CDKL2: variants seen among roughly 807,000 people sequenced by gnomAD.
CDKL2 encodes cyclin dependent kinase like 2.
In CDKL2, 64 loss-of-function variants were observed where a neutral mutation model predicts 63.9. The ratio of observed to expected loss-of-function variants is 1.00; its 90% CI spans 0.82 to 1.23. CDKL2 has a LOEUF of 1.23. CDKL2 is among the 50% of genes most tolerant of loss of function. CDKL2 has a pLI of 0.00. For synonymous variants in CDKL2, 211 were observed against 229.2 expected (o/e 0.92, Z 0.72); for missense variants, 656 against 668.0 (o/e 0.98, Z 0.20).
intron 6 of CDKL2, among the ~76,000 whole-genome samples, chr4:75,603,123 C>T (rs1344594288): frequency 6.7e-6 from 1 of 150,144 alleles, no homozygotes; most frequent in Non-Finnish European, 1.5e-5. Context: ...CCTCAGCCTC[C>T]CCAGTAGCTG....
At chr4:75,607,089 G>A in intron 4 of CDKL2, 94 bp downstream of exon 4, 2 of 1,032,224 alleles carry the variant, frequency 1.9e-6, no homozygotes, top group Non-Finnish European at 2.9e-6. Flanking sequence ...CTTCCTTTCA[G>A]TATTAGAGGG....
At chr4:75,603,047 C>T (rs1439500957) in intron 6 of CDKL2, among the ~76,000 whole-genome samples, 4 of 131,876 alleles carry the variant, frequency 3.0e-5, no homozygotes, top group Non-Finnish European at 4.6e-5. Flanking sequence ...GGCCGGACTG[C>T]GGACTGCAGT....
At chr4:75,610,314 T>C (rs891713451) in intron 3 of CDKL2, among the ~76,000 whole-genome samples, 3 of 152,138 alleles carry the variant, frequency 2.0e-5, no homozygotes, top group African/African-American at 7.2e-5. Flanking sequence ...TCTAAGTCTA[T>C]CCTCTCGGCC....
At chr4:75,595,976 AGAAGGAAGGAAGGAAGGAAGGAAGGAAG>A (rs554405215) in intron 10 of CDKL2, 4 of 155,820 alleles carry the variant, frequency 2.6e-5, no homozygotes, top group African/African-American at 3.4e-5. Context: ...AAGGAAGGAA[AGAAGGAAGGAAGGAAGGAAGGAAGGAAG>A]GAAGGAAGGA....
chr4:75,586,915 T>C (rs1409528258), intron 12 of CDKL2, among the ~76,000 whole-genome samples: 2 of 152,034 alleles, frequency 1.3e-5, no homozygotes, highest in Non-Finnish European at 2.9e-5. Flanking sequence ...TGGGTTTCCT[T>C]AAGAACCTAG....
rs750637035 is a variant in CDKL2 at position 75,596,944 on chromosome 4, T to C, written c.1313A>G (p.Gln438Arg). ...SGMGTETIPI[Q>R]GYRVDEKTKK... ...TTTTACTAATTCATACCTGTAACCC[T>C]GAATTGGTATAGTCTCAGTCCCCAT... Residue 438 changes from glutamine (Q) to arginine (R), a missense_variant, in exon 9 of 14, where the codon CAG (glutamine) becomes CGG (arginine). Coordinates refer to ENST00000307465, the MANE Select transcript of CDKL2 (RefSeq NM_001330724.2). 2 of 1,609,614 alleles carry C rather than the reference T, an allele frequency of 1.2e-6. No homozygotes were observed. The highest frequency in any genetic ancestry group is 1.7e-4 in the Middle Eastern group (1 of 6,044).
Position 75,581,915 on chromosome 4 carries a change from G to C in CDKL2, c.1648-17C>G. The C allele has an allele frequency of 6.4e-7, 1 of 1,564,290 alleles. No individual in the cohort carries two copies. The highest frequency in any genetic ancestry group is 1.1e-5 in the South Asian group (1 of 89,516). On this transcript the variant is annotated splice_polypyrimidine_tract_variant and intron_variant, in intron 12 of 13. Transcript: ENST00000307465. The stretch of plus-strand genomic sequence containing the variant: ...TCCTGATACCTATAAATTAATAATA[G>C]AGCATCATAGGTTCTCAGTAATTGC...
At chr4:75,626,177 A>G (rs1302358977) in intron 1 of CDKL2, among the ~76,000 whole-genome samples, 160 bp from the exon 2 acceptor site, 2 of 152,202 alleles carry the variant, frequency 1.3e-5, no homozygotes, top group African/African-American at 4.8e-5. Flanking sequence ...CATGTAAGCT[A>G]TGTTTCAAAA....
chr4:75,580,642 G>A (rs1161612763), intron 13 of CDKL2, among the ~76,000 whole-genome samples: 13 of 150,062 alleles, frequency 8.7e-5, no homozygotes, highest in Admixed American at 8.0e-4. Flanking sequence ...ACTCCAGCCT[G>A]GACAATACAG....
rs1158414225 is a variant in CDKL2 at position 75,576,553 on chromosome 4, G to A, written c.*2649C>T. 6.6e-6 allele frequency among the ~76,000 whole-genome samples: 1 copy of A among 152,144 alleles called. No homozygotes were observed. Among genetic ancestry groups the A allele is most frequent in the African/African-American group, 2.4e-5 (1 of 41,444 alleles). On this transcript the variant is annotated 3_prime_UTR_variant, in exon 14 of 14. Coordinates refer to ENST00000307465, the MANE Select transcript of CDKL2 (RefSeq NM_001330724.2). Reference sequence around the variant, plus strand: ...GGAGTGTTAAGCACCCTCTTCTAGTGCAAAAACACTTAATGCAAAAAACAA... The same window carrying A: ...GGAGTGTTAAGCACCCTCTTCTAGTACAAAAACACTTAATGCAAAAAACAA...
rs778530783 is a variant in CDKL2 at position 75,598,111 on chromosome 4, G to T, written c.986C>A (p.Ser329Tyr). ...NRKKEKEKDD[S>Y]LVEERKTLVV... ...AAGTGTTTTTCTTTCTTCAACTAAG[G>T]AATCATCTTTTTCTTTTTCCTTCTT... Residue 329 changes from serine (S) to tyrosine (Y), a missense_variant, in exon 8 of 14, where the codon TCC becomes TAC. By Grantham distance (144) the Ser-to-Tyr change is moderately radical. Coordinates refer to ENST00000307465, the MANE Select transcript of CDKL2 (RefSeq NM_001330724.2). 4.0e-5 allele frequency: 62 copies of T among 1,550,064 alleles called. No homozygotes were observed. Among genetic ancestry groups the T allele is most frequent in the Non-Finnish European group, 5.2e-5 (59 of 1,139,856 alleles).
intron 3 of CDKL2, 37 bp downstream of exon 3, chr4:75,614,218 T>C (rs2148900980): frequency 1.5e-6 from 2 of 1,320,032 alleles, no homozygotes; most frequent in East Asian, 4.7e-5. Flanking sequence ...AATGAATAAA[T>C]ATGTGATAAA....
At chr4:75,600,391 G>C (rs1266962572) in intron 6 of CDKL2, 22 bp from the exon 7 acceptor site, 1 of 1,470,362 alleles carries the variant, frequency 6.8e-7, no homozygotes, top group South Asian at 1.2e-5. Context: ...AGAACACTTA[G>C]AGTTCATATC....
At chr4:75,616,410 C>G (rs978816457) in intron 2 of CDKL2, among the ~76,000 whole-genome samples, 5 of 152,134 alleles carry the variant, frequency 3.3e-5, no homozygotes, top group Middle Eastern at 3.4e-3. Flanking sequence ...CACCTGTAAT[C>G]CCAGCACTTT....
At position 75,603,855 on chromosome 4, in the gene CDKL2, A is replaced by T. The variant is rs1729309990; in HGVS notation, c.757T>A (p.Tyr253Asn). The change falls in exon 6 of 14, where the codon TAT (tyrosine) becomes AAT (asparagine). Residue 253 changes from tyrosine to asparagine, a missense_variant. Coordinates refer to ENST00000307465, the MANE Select transcript of CDKL2 (RefSeq NM_001330724.2). The stretch of plus-strand genomic sequence containing the variant: ...ATCACCACTTCAGAGAGCTTAGGAT[A>T]GCGTCTTTCAAGAGGTTCTCTTTCC... ...IKEREPLERR[Y>N]PKLSEVVIDL... 6.2e-6 allele frequency: 10 copies of T among 1,613,212 alleles called. No homozygotes were observed. In the East Asian group the frequency reaches 2.2e-4, roughly 36 times the overall value.
chr4:75,601,114 G>A (rs568109403), intron 6 of CDKL2, among the ~76,000 whole-genome samples: 3 of 152,098 alleles, frequency 2.0e-5, no homozygotes, highest in Admixed American at 6.6e-5. Flanking sequence ...AAAATATATC[G>A]ACCAATTGCA....
intron 6 of CDKL2, among the ~76,000 whole-genome samples, chr4:75,601,562 G>A (rs935603992): frequency 1.3e-5 from 2 of 152,068 alleles, no homozygotes; most frequent in Non-Finnish European, 2.9e-5. Flanking sequence ...GATAATTGTG[G>A]AAACTAGATG....
chr4:75,584,491 G>A (rs763086996), intron 12 of CDKL2, among the ~76,000 whole-genome samples: 1 of 152,148 alleles, frequency 6.6e-6, no homozygotes, highest in Admixed American at 6.6e-5. Context: ...TTCCACCTGT[G>A]AGACTCATTC....
At chr4:75,598,288 T>C in intron 7 of CDKL2, 76 bp from the exon 8 acceptor site, 1 of 864,688 alleles carries the variant, frequency 1.2e-6, no homozygotes, top group Non-Finnish European at 1.7e-6. Flanking sequence ...AAGATATTTA[T>C]TTTTTAAAAA....
Sources: gnomAD v4.1 joint callset for allele counts (sites outside exome capture counted in the v4.1 genomes callset) on GRCh38, gnomAD v4.1.1 for gene constraint, MANE v1.5 for transcripts, NCBI Gene and HGNC (gene_info 2026-07-23, HGNC 2026-07-21) for gene names.